Variants in SOX5 observed in about 807,000 individuals in gnomAD.
SOX5 encodes the protein transcription factor SOX-5.
A neutral mutation model predicts 92.0 loss-of-function variants in SOX5; 9 were observed. That is an observed-to-expected ratio of 0.10 (90% CI 0.06 to 0.17). The LOEUF (loss-of-function observed/expected upper bound fraction) is 0.17, where lower values mean the gene tolerates loss of function less well. Ranked by LOEUF, SOX5 falls within the 10% of genes least tolerant of loss-of-function variation. The probability of loss-of-function intolerance (pLI) is 1.00; values close to 1 mark genes in which losing one functional copy is unlikely to be tolerated. For synonymous variants in SOX5, 344 were observed against 336.3 expected, an observed-to-expected ratio of 1.02 and a Z score of -0.25; for missense variants, 642 against 944.5, an observed-to-expected ratio of 0.68 and a Z score of 4.20.
intron 4 of SOX5, among the ~76,000 whole-genome samples, chr12:24,017,334 C>T (rs963940295): frequency 6.6e-6 from 1 of 152,160 alleles, no homozygotes; most frequent in Non-Finnish European, 1.5e-5. Flanking sequence ...TGTGGTGGTT[C>T]ATGCCTGTAA....
intron 1 of SOX5, among the ~76,000 whole-genome samples, chr12:24,382,474 G>T (rs1197231001): frequency 6.6e-6 from 1 of 152,086 alleles, no homozygotes; most frequent in Non-Finnish European, 1.5e-5. Flanking sequence ...GGAAGTCAGT[G>T]AGGAAAGGGG....
chr12:24,506,901 C>T (rs1451921881), intron 1 of SOX5, among the ~76,000 whole-genome samples: 2 of 149,628 alleles, frequency 1.3e-5, no homozygotes, highest in Admixed American at 1.4e-4. Flanking sequence ...CACCATTCTC[C>T]TGCCTCAGCC....
At chr12:23,887,970 A>C (rs1435844933) in intron 2 of SOX5, among the ~76,000 whole-genome samples, 1 of 148,898 alleles carries the variant, frequency 6.7e-6, no homozygotes, top group Non-Finnish European at 1.5e-5. Flanking sequence ...CTAGATGTCA[A>C]GTAGTTATTT....
chr12:24,201,127 G>A (rs913615770), intron 4 of SOX5, among the ~76,000 whole-genome samples: 2 of 152,078 alleles, frequency 1.3e-5, no homozygotes, highest in African/African-American at 4.8e-5. Context: ...TAACTCTTGT[G>A]ATTCTGGGCA....
intron 3 of SOX5, among the ~76,000 whole-genome samples, chr12:24,234,051 G>A (rs565237222): frequency 4.9e-4 from 74 of 152,282 alleles, no homozygotes; most frequent in African/African-American, 1.7e-3. Flanking sequence ...CGGAATCCGA[G>A]GCCAACTTCC....
At chr12:24,071,649 T>C (rs1396510133) in intron 4 of SOX5, among the ~76,000 whole-genome samples, 1 of 152,100 alleles carries the variant, frequency 6.6e-6, no homozygotes, top group East Asian at 1.9e-4. Flanking sequence ...TTAGCCAGGA[T>C]GGTCTCGATC....
intron 1 of SOX5, among the ~76,000 whole-genome samples, chr12:24,395,958 C>T (rs1959840932): frequency 6.6e-6 from 1 of 152,158 alleles, no homozygotes; most frequent in Non-Finnish European, 1.5e-5. Flanking sequence ...CTAAGAAGTG[C>T]ATGCTGCTAT....
chr12:23,830,562 A>G (rs552247765), intron 3 of SOX5, among the ~76,000 whole-genome samples: 162 of 152,284 alleles, frequency 1.1e-3, no homozygotes, highest in African/African-American at 3.7e-3. Flanking sequence ...ACTAAACAAA[A>G]GCAACTCAAA....
intron 1 of SOX5, among the ~76,000 whole-genome samples, chr12:24,455,096 T>C (rs993222096): frequency 6.6e-6 from 1 of 152,226 alleles, no homozygotes; most frequent in African/African-American, 2.4e-5. Flanking sequence ...TCAAGTTAGC[T>C]TTATCTTCTT....
At chr12:24,382,510 G>A (rs748903894) in intron 1 of SOX5, among the ~76,000 whole-genome samples, 3 of 152,096 alleles carry the variant, frequency 2.0e-5, no homozygotes, top group Non-Finnish European at 4.4e-5. Context: ...GCTCCTCAAG[G>A]GTCATAGTAA....
chr12:24,163,208 G>C (rs867763452), intron 4 of SOX5, among the ~76,000 whole-genome samples: 2 of 152,108 alleles, frequency 1.3e-5, no homozygotes, highest in Non-Finnish European at 2.9e-5. Flanking sequence ...ACACAATAGG[G>C]CTTTCAGAAA....
intron 4 of SOX5, among the ~76,000 whole-genome samples, chr12:24,140,956 C>T (rs1236954695): frequency 6.6e-6 from 1 of 152,122 alleles, no homozygotes; most frequent in African/African-American, 2.4e-5. Flanking sequence ...TATCAAGTTA[C>T]ACATATTTTA....
At chr12:23,734,169 A>C (rs1324407367) in intron 6 of SOX5, among the ~76,000 whole-genome samples, 1 of 152,186 alleles carries the variant, frequency 6.6e-6, no homozygotes, top group East Asian at 1.9e-4. Context: ...AATAACAAAA[A>C]TATGGAGGTC....
At chr12:24,011,753 A>C (rs1237593201) in intron 4 of SOX5, among the ~76,000 whole-genome samples, 1 of 152,114 alleles carries the variant, frequency 6.6e-6, no homozygotes, top group East Asian at 1.9e-4. Context: ...AATGTATCTG[A>C]AGTGAAACTT....
intron 4 of SOX5, among the ~76,000 whole-genome samples, chr12:23,961,438 C>G (rs1946920065): frequency 2.6e-5 from 4 of 152,270 alleles, no homozygotes; most frequent in African/African-American, 9.6e-5. Flanking sequence ...CTAGGTACAC[C>G]AAACTGGTAT....
At chr12:24,297,836 T>A (rs545355366) in intron 2 of SOX5, among the ~76,000 whole-genome samples, 1 of 152,328 alleles carries the variant, frequency 6.6e-6, no homozygotes, top group East Asian at 1.9e-4. Flanking sequence ...GTAACGATGT[T>A]TATCCTGAGA....
chr12:24,219,551 G>C (rs2139776472), intron 3 of SOX5, among the ~76,000 whole-genome samples: 1 of 151,996 alleles, frequency 6.6e-6, no homozygotes, highest in East Asian at 1.9e-4. Context: ...TGCATTTAAT[G>C]AAATACTCAA....
At chr12:23,706,568 A>G (rs1380628093) in intron 6 of SOX5, among the ~76,000 whole-genome samples, 1 of 152,046 alleles carries the variant, frequency 6.6e-6, no homozygotes, top group Non-Finnish European at 1.5e-5. Context: ...CCAGCTAGGT[A>G]AAAAAACATT....
At position 23,693,788 on chromosome 12, in the gene SOX5, C is replaced by T. The variant is rs536921435; in HGVS notation, c.811-28224G>A. Among the ~76,000 whole-genome samples the T allele has an allele frequency of 4.6e-5, 7 of 152,202 alleles. No homozygotes were observed. The South Asian group carries it at 6.2e-4, about 14-fold the overall frequency. On this transcript the variant is annotated intron_variant, in intron 6 of 14. Coordinates refer to ENST00000451604, the MANE Select transcript of SOX5 (RefSeq NM_006940.6). Reference sequence around the variant, plus strand: ...ATTCTTGCCTCATATAGTTTTTATTCTCTTTTATTTTCAATCATAAAATTA... The same window carrying T: ...ATTCTTGCCTCATATAGTTTTTATTTTCTTTTATTTTCAATCATAAAATTA...
Sources: allele counts gnomAD v4.1 joint callset (sites outside exome capture counted in the v4.1 genomes callset), GRCh38; gene constraint gnomAD v4.1.1; transcripts MANE v1.5; gene names NCBI Gene and HGNC (gene_info 2026-07-23, HGNC 2026-07-21).